The following ADAMTS16 variants were observed in gnomAD, a reference collection of about 807,000 sequenced individuals.
The protein encoded by ADAMTS16 is ADAM metallopeptidase with thrombospondin type 1 motif 16, also known as A disintegrin and metalloproteinase with thrombospondin motifs 16.
In ADAMTS16, 94 loss-of-function variants were observed where a neutral mutation model predicts 145.8. The observed-to-expected ratio is 0.64, with a 90% CI of 0.55 to 0.77. ADAMTS16 has a LOEUF of 0.77. Ranked by LOEUF, ADAMTS16 falls within the 30% of genes least tolerant of loss-of-function variation. The pLI is 0.00. For synonymous variants in ADAMTS16, 659 were observed against 604.3 expected, an observed-to-expected ratio of 1.09 and a Z score of -1.33; for missense variants, 1,585 against 1,591.5, an observed-to-expected ratio of 1.00 and a Z score of 0.07.
At chr5:5,313,063 C>T (rs1330411343) in intron 21 of ADAMTS16, among the ~76,000 whole-genome samples, 1 of 152,228 alleles carries the variant, frequency 6.6e-6, no homozygotes, top group Admixed American at 6.5e-5. Flanking sequence ...TAAACTGTAT[C>T]TTCAATAGCT....
At position 5,165,138 on chromosome 5, in the gene ADAMTS16, C is replaced by T. The variant is rs555002590; in HGVS notation, c.502-16906C>T. On this transcript the variant is annotated intron_variant, in intron 3 of 22. Transcript: ENST00000274181. The stretch of plus-strand genomic sequence containing the variant: ...TCCAGCCCCACCCCAGCCCCAGCAA[C>T]CACTCCTCTGCTTCCCACCTCCAGT... 3.9e-5 allele frequency among the ~76,000 whole-genome samples: 6 copies of T among 152,264 alleles called. No homozygotes were observed. The South Asian group carries it at 1.2e-3, about 32-fold the overall frequency.
At chr5:5,312,899 G>A (rs564966854) in intron 21 of ADAMTS16, among the ~76,000 whole-genome samples, 181 of 152,320 alleles carry the variant, frequency 1.2e-3, no homozygotes, top group African/African-American at 4.2e-3. Context: ...GGGACAAAGA[G>A]GAAACTGAGG....
chr5:5,252,449 C>T (rs557665363), intron 17 of ADAMTS16, among the ~76,000 whole-genome samples: 1 of 152,246 alleles, frequency 6.6e-6, no homozygotes, highest in Admixed American at 6.5e-5. Context: ...AAAGGCCCAC[C>T]TTTACGACCT....
chr5:5,251,026 T>C (rs1737608248), intron 17 of ADAMTS16, among the ~76,000 whole-genome samples: 1 of 152,146 alleles, frequency 6.6e-6, no homozygotes. Context: ...TCCTCCCCAG[T>C]GTCCTTGAGC....
At position 5,318,295 on chromosome 5, in the gene ADAMTS16, G is replaced by A. The variant is rs770036105; in HGVS notation, c.3559+14G>A. On this transcript the variant is annotated intron_variant, in intron 22 of 22. Coordinates refer to ENST00000274181, the MANE Select transcript of ADAMTS16 (RefSeq NM_139056.4). The stretch of plus-strand genomic sequence containing the variant: ...CAGAGAAGAAAGGTGAGTACATGGG[G>A]CCCCTCAGCATGACCTGGGCATGGG... 3.5e-6 allele frequency: 5 copies of A among 1,427,220 alleles called. No individual in the cohort carries two copies. Among genetic ancestry groups the A allele is most frequent in the African/African-American group, 2.9e-5 (2 of 69,448 alleles). The allele number at this position is 1,427,220 out of a possible 1,614,324, so 88.4% of individuals were successfully genotyped here.
chr5:5,152,611 C>T lies in ADAMTS16; in HGVS notation c.501+6156C>T, dbSNP rs115893829. ...GCTGGGGGTAAGGAAATAGGGATTC[C>T]TTATCTTCTTGGCTACACATGCCTG... is the stretch of plus-strand genomic sequence containing the variant. On this transcript the variant is annotated intron_variant, in intron 3 of 22. Coordinates refer to ENST00000274181, the MANE Select transcript of ADAMTS16 (RefSeq NM_139056.4). Among the ~76,000 whole-genome samples the T allele has an allele frequency of 9.7e-3, 1,476 of 152,276 alleles. 18 individuals carry two copies. Among genetic ancestry groups the T allele is most frequent in the African/African-American group, 0.033 (1,385 of 41,544 alleles).
intron 3 of ADAMTS16, among the ~76,000 whole-genome samples, chr5:5,166,505 G>A (rs933520055): frequency 3.9e-5 from 6 of 152,204 alleles, no homozygotes; most frequent in African/African-American, 1.2e-4. Context: ...GCCAGGGGGT[G>A]CAGGCTCCTG....
chr5:5,235,021 C>T lies in ADAMTS16; in HGVS notation c.1858C>T (p.His620Tyr). 1 of 1,572,204 alleles carries T rather than the reference C, an allele frequency of 6.4e-7. No individual in the cohort carries two copies. Among genetic ancestry groups the T allele is most frequent in the East Asian group, 2.3e-5 (1 of 43,868 alleles). ...TCAAAATACACATTCCAGGCCATCG[C>T]ATGGAGGGAAGTTCTGTGAGGGCTC... Reference protein sequence around the residue: ...SRLCTNPKPSHGGKFCEGSTR... With the variant: ...SRLCTNPKPSYGGKFCEGSTR... The change falls in exon 13 of 23, where the codon CAT becomes TAT. Residue 620 changes from histidine to tyrosine, a missense_variant. By Grantham distance (83) the His-to-Tyr change is moderately conservative (BLOSUM62 2). This residue lies in a region of ADAMTS16 where 834 missense variants were observed against 811.7 expected (regional missense o/e 1.03). Coordinates refer to ENST00000274181, the MANE Select transcript of ADAMTS16 (RefSeq NM_139056.4).
chr5:5,255,693 A>T lies in ADAMTS16; in HGVS notation c.2663-6964A>T, dbSNP rs1737756587. Reference sequence around the variant, plus strand: ...AGCTTCACAGATATGAGAGTTAGAAAATGTACTCCTGATTTTTAGAACCTG... The same window carrying T: ...AGCTTCACAGATATGAGAGTTAGAATATGTACTCCTGATTTTTAGAACCTG... On this transcript the variant is annotated intron_variant, in intron 17 of 22. Transcript: ENST00000274181. 2.0e-5 allele frequency among the ~76,000 whole-genome samples: 3 copies of T among 152,340 alleles called. No individual in the cohort carries two copies. The South Asian group carries it at 6.2e-4, about 32-fold the overall frequency.
intron 12 of ADAMTS16, 100 bp downstream of exon 12, chr5:5,232,616 T>C: frequency 2.1e-6 from 3 of 1,440,210 alleles, no homozygotes; most frequent in Middle Eastern, 2.5e-4. Context: ...TTTTTTTTTT[T>C]TTTTTGAGAT....
At chr5:5,178,592 A>C (rs1478106607) in intron 3 of ADAMTS16, among the ~76,000 whole-genome samples, 1 of 152,220 alleles carries the variant, frequency 6.6e-6, no homozygotes, top group African/African-American at 2.4e-5. Flanking sequence ...TGTTCTATGT[A>C]TTTAATGAAA....
chr5:5,190,948 T>C (rs1292768208), intron 7 of ADAMTS16, among the ~76,000 whole-genome samples: 4 of 149,350 alleles, frequency 2.7e-5, no homozygotes, highest in Non-Finnish European at 6.0e-5. Context: ...TCTGAGGTTC[T>C]GGAATTTTGG....
At chr5:5,200,605 G>A (rs750322128) in intron 9 of ADAMTS16, among the ~76,000 whole-genome samples, 14 of 152,132 alleles carry the variant, frequency 9.2e-5, no homozygotes, top group South Asian at 4.2e-4. Flanking sequence ...TAGAAAGATC[G>A]TACATGTACA....
chr5:5,205,603 A>T (rs1016059630), intron 9 of ADAMTS16, among the ~76,000 whole-genome samples: 2 of 152,222 alleles, frequency 1.3e-5, no homozygotes, highest in Admixed American at 1.3e-4. Context: ...TCAGTGTTTG[A>T]CATTGTCAGT....
intron 4 of ADAMTS16, among the ~76,000 whole-genome samples, chr5:5,185,050 C>T (rs1026735878): frequency 3.9e-5 from 6 of 152,162 alleles, no homozygotes; most frequent in African/African-American, 7.2e-5. Context: ...ACAGACTGCA[C>T]GAGTTACACA....
chr5:5,200,926 G>C (rs907592083), intron 9 of ADAMTS16, among the ~76,000 whole-genome samples: 16 of 152,214 alleles, frequency 1.1e-4, no homozygotes, highest in African/African-American at 3.9e-4. Context: ...GAAAATTTCA[G>C]AGAAATGAGG....
intron 17 of ADAMTS16, 134 bp downstream of exon 17, chr5:5,242,325 GT>G: frequency 8.1e-7 from 1 of 1,237,964 alleles, no homozygotes; most frequent in East Asian, 2.7e-5. Context: ...CATTCCCAAG[GT>G]GGGGAGTGGT....
At chr5:5,261,268 C>T (rs890007579) in intron 17 of ADAMTS16, among the ~76,000 whole-genome samples, 4 of 151,928 alleles carry the variant, frequency 2.6e-5, no homozygotes, top group African/African-American at 4.8e-5. Context: ...CTCCTGAGTA[C>T]GCGGGACTAC....
At chr5:5,140,631 G>A (rs1206286088) in intron 1 of ADAMTS16, 33 bp from the exon 2 acceptor site, 2 of 1,531,686 alleles carry the variant, frequency 1.3e-6, no homozygotes, top group Non-Finnish European at 1.7e-6. Flanking sequence ...GGACCCCGCC[G>A]TCTCACCGCG....
Sources: gnomAD v4.1 joint callset for allele counts (sites outside exome capture counted in the v4.1 genomes callset) on GRCh38, gnomAD v4.1.1 for gene constraint, gnomAD v4.1.1 regional missense constraint, MANE v1.5 for transcripts, NCBI Gene and HGNC (gene_info 2026-07-23, HGNC 2026-07-21) for gene names.